CLYBL: variants seen among roughly 807,000 people sequenced by gnomAD.
CLYBL encodes citramalyl-CoA lyase, mitochondrial.
In CLYBL, 31 loss-of-function variants were observed where a neutral mutation model predicts 38.9. That is an observed-to-expected ratio of 0.80 (90% CI 0.60 to 1.08). CLYBL has a LOEUF of 1.08. Among genes scored for constraint, CLYBL ranks in the 50% least tolerant of loss-of-function variants. The pLI, the probability that CLYBL is intolerant of heterozygous loss-of-function variation, is 0.00. For missense variants in CLYBL, 434 were observed against 411.6 expected, an observed-to-expected ratio of 1.05 and a Z score of -0.47; for synonymous variants, 171 against 158.6, an observed-to-expected ratio of 1.08 and a Z score of -0.59.
intron 1 of CLYBL, among the ~76,000 whole-genome samples, chr13:99,660,830 CAT>C (rs2047398451): frequency 1.3e-5 from 2 of 151,744 alleles, no homozygotes; most frequent in Non-Finnish European, 2.9e-5. Flanking sequence ...TTAAAATTAA[CAT>C]GTGGAAATGT....
At chr13:99,747,809 C>T (rs951705625) in intron 1 of CLYBL, among the ~76,000 whole-genome samples, 4 of 152,142 alleles carry the variant, frequency 2.6e-5, no homozygotes, top group African/African-American at 9.7e-5. Flanking sequence ...CGAGGGCCAG[C>T]GTGTGGTGGA....
intron 1 of CLYBL, among the ~76,000 whole-genome samples, chr13:99,647,842 T>C (rs894000954): frequency 1.5e-4 from 23 of 152,204 alleles, no homozygotes; most frequent in African/African-American, 5.1e-4. Flanking sequence ...ATTTTGACAC[T>C]AGCAGTATGG....
chr13:99,717,436 G>GAAAAAAAAAAAAAAAAA (rs1172721313), intron 1 of CLYBL, among the ~76,000 whole-genome samples: 1 of 91,080 alleles, frequency 1.1e-5, no homozygotes. Context: ...AAAAAAATTA[G>GAAAAAAAAAAAAAAAAA]AAAAAAAAAA....
At chr13:99,793,463 G>C (rs1022845) in intron 2 of CLYBL, among the ~76,000 whole-genome samples, 69,641 of 151,830 alleles carry the variant, frequency 0.46, 16,344 homozygotes, top group Non-Finnish European at 0.51. Flanking sequence ...ATCCTTAAAG[G>C]TTCTGATATA....
chr13:99,883,902 C>T (rs1383960659), intron 7 of CLYBL, among the ~76,000 whole-genome samples: 4 of 152,232 alleles, frequency 2.6e-5, no homozygotes, highest in Admixed American at 2.0e-4. Context: ...CTCCTTCTCT[C>T]TGCAGCTCCT....
At chr13:99,717,662 A>G (rs9517855) in intron 1 of CLYBL, among the ~76,000 whole-genome samples, 20,502 of 151,594 alleles carry the variant, frequency 0.14, 2,827 homozygotes, top group African/African-American at 0.36. Flanking sequence ...GTTTTGCCAT[A>G]TTGCCCAGGC....
At chr13:99,666,150 T>C (rs2047477826) in intron 1 of CLYBL, among the ~76,000 whole-genome samples, 2 of 152,122 alleles carry the variant, frequency 1.3e-5, no homozygotes, top group African/African-American at 4.8e-5. Flanking sequence ...GGAATATTTT[T>C]GAGGCAACAA....
At chr13:99,708,260 C>T (rs564556865) in intron 1 of CLYBL, among the ~76,000 whole-genome samples, 3 of 152,298 alleles carry the variant, frequency 2.0e-5, no homozygotes, top group South Asian at 4.2e-4. Flanking sequence ...GGATTACAGG[C>T]GTGAGCCCTC....
At chr13:99,665,408 T>C (rs896234541) in intron 1 of CLYBL, among the ~76,000 whole-genome samples, 1 of 152,086 alleles carries the variant, frequency 6.6e-6, no homozygotes, top group African/African-American at 2.4e-5. Context: ...TAGTTTCATA[T>C]TATTTTCATA....
chr13:99,646,866 G>A, intron 1 of CLYBL, among the ~76,000 whole-genome samples: 1 of 152,084 alleles, frequency 6.6e-6, no homozygotes, highest in South Asian at 2.1e-4. Context: ...ACAAAGGCAA[G>A]CATACCCTAG....
At chr13:99,733,912 G>A (rs1179510350) in intron 1 of CLYBL, among the ~76,000 whole-genome samples, 1 of 152,218 alleles carries the variant, frequency 6.6e-6, no homozygotes, top group Non-Finnish European at 1.5e-5. Flanking sequence ...TCTTTCACCA[G>A]ATGTTGTCTC....
chr13:99,707,830 C>A (rs571119621), intron 1 of CLYBL, among the ~76,000 whole-genome samples: 1 of 152,262 alleles, frequency 6.6e-6, no homozygotes, highest in African/African-American at 2.4e-5. Context: ...AGAATTGTTT[C>A]ATTAGGGTTG....
At chr13:99,787,794 A>G (rs9554638) in intron 2 of CLYBL, among the ~76,000 whole-genome samples, 72,544 of 151,924 alleles carry the variant, frequency 0.48, 17,576 homozygotes, top group Non-Finnish European at 0.52. Context: ...CTTGGGCAGT[A>G]TGGCCATTTT....
intron 1 of CLYBL, among the ~76,000 whole-genome samples, chr13:99,665,589 A>G (rs907038153): frequency 6.9e-6 from 1 of 145,610 alleles, no homozygotes; most frequent in Admixed American, 6.9e-5. Flanking sequence ...CCCAAAGGTT[A>G]AAAAAAAAAA....
At chr13:99,701,551 T>G (rs1461532482) in intron 1 of CLYBL, among the ~76,000 whole-genome samples, 1 of 152,210 alleles carries the variant, frequency 6.6e-6, no homozygotes, top group African/African-American at 2.4e-5. Flanking sequence ...GACCTCGTGA[T>G]CTGCCTGCCT....
At chr13:99,875,702 T>C (rs1330550623) in intron 7 of CLYBL, among the ~76,000 whole-genome samples, 1 of 152,190 alleles carries the variant, frequency 6.6e-6, no homozygotes. Context: ...GATTCCACTA[T>C]TAGACAACAG....
At chr13:99,686,512 C>CAG (rs34750084) in intron 1 of CLYBL, among the ~76,000 whole-genome samples, 7,646 of 150,184 alleles carry the variant, frequency 0.051, 658 homozygotes, top group African/African-American at 0.18. Context: ...TTTGTTTCAA[C>CAG]AGAGAGAGAG....
At chr13:99,616,219 G>A (rs950066392) in intron 1 of CLYBL, among the ~76,000 whole-genome samples, 1 of 149,904 alleles carries the variant, frequency 6.7e-6, no homozygotes, top group Non-Finnish European at 1.5e-5. Flanking sequence ...CTATTCGCAG[G>A]TGTTATCATA....
At chr13:99,750,877 G>A (rs2048944035) in intron 1 of CLYBL, among the ~76,000 whole-genome samples, 1 of 151,794 alleles carries the variant, frequency 6.6e-6, no homozygotes, top group African/African-American at 2.4e-5. Flanking sequence ...ACTGGACACG[G>A]GTACAGCTTA....
Sources: allele counts gnomAD v4.1 joint callset (sites outside exome capture counted in the v4.1 genomes callset), GRCh38; gene constraint gnomAD v4.1.1; transcripts MANE v1.5; gene names NCBI Gene and HGNC (gene_info 2026-07-23, HGNC 2026-07-21).